NOXRED1: variants seen among roughly 807,000 people sequenced by gnomAD.
NOXRED1 encodes the protein NADP-dependent oxidoreductase domain-containing protein 1.
NOXRED1 carries 20 observed loss-of-function variants against 30.4 expected under a neutral mutation model. The ratio of observed to expected loss-of-function variants is 0.66; its 90% CI spans 0.46 to 0.96. The LOEUF (loss-of-function observed/expected upper bound fraction) is 0.96, where lower values mean the gene tolerates loss of function less well. NOXRED1 is among the 40% of genes least tolerant of loss of function. The probability of loss-of-function intolerance (pLI) is 0.00; values close to 1 mark genes in which losing one functional copy is unlikely to be tolerated. For synonymous variants in NOXRED1, 155 were observed against 168.0 expected (o/e 0.92, Z 0.60); for missense variants, 374 against 428.0 (o/e 0.87, Z 1.11).
At position 77,411,611 on chromosome 14, in the gene NOXRED1, GA is replaced by G. The variant is rs1894654544; in HGVS notation, c.349+2322del. Among the ~76,000 whole-genome samples, 3 of 152,046 alleles carry G rather than the reference GA, an allele frequency of 2.0e-5. No homozygotes were observed. In the South Asian group the frequency reaches 6.2e-4, roughly 32 times the overall value. On this transcript the variant is annotated intron_variant, in intron 2 of 5. Transcript: ENST00000380835. ...AAATGCACACTAATCTATGGTGACA[GA>G]AATCAGATTGTTGGTTTCATGGGTG... is the stretch of plus-strand genomic sequence containing the variant.
chr14:77,394,582 T>G lies in NOXRED1; in HGVS notation c.*49A>C. The G allele has an allele frequency of 6.9e-7, 1 of 1,439,878 alleles. No homozygotes were observed. Among genetic ancestry groups the G allele is most frequent in the Non-Finnish European group, 9.7e-7 (1 of 1,028,932 alleles). The allele number at this position is 1,439,878 out of a possible 1,614,324, so 89.2% of individuals were successfully genotyped here. A position where few individuals can be genotyped will look rare whatever the true frequency, so the allele number is the denominator to read the frequency against. On this transcript the variant is annotated 3_prime_UTR_variant, in exon 6 of 6. Transcript: ENST00000380835. Reference sequence around the variant, plus strand: ...AATTGTGATAATCAGGGCACAACTATTATAGGGAAAATCTGTGAGTGGGAA... The same window carrying G: ...AATTGTGATAATCAGGGCACAACTAGTATAGGGAAAATCTGTGAGTGGGAA...
At chr14:77,401,730 C>G (rs976952813) in intron 5 of NOXRED1, among the ~76,000 whole-genome samples, 4 of 152,248 alleles carry the variant, frequency 2.6e-5, no homozygotes, top group African/African-American at 9.6e-5. Context: ...CTCAGAATAG[C>G]CAACTCAGTA....
intron 5 of NOXRED1, among the ~76,000 whole-genome samples, chr14:77,403,153 G>C (rs963093821): frequency 3.9e-5 from 6 of 152,086 alleles, no homozygotes; most frequent in African/African-American, 1.4e-4. Flanking sequence ...ATGCTTAAAA[G>C]GGAAACTGAT....
chr14:77,419,385 T>C (rs2139701406), intron 1 of NOXRED1, among the ~76,000 whole-genome samples: 1 of 151,760 alleles, frequency 6.6e-6, no homozygotes, highest in Non-Finnish European at 1.5e-5. Flanking sequence ...TCCTTAGTTT[T>C]TGAAGCACAG....
chr14:77,405,288 G>A (rs138125863), intron 5 of NOXRED1, among the ~76,000 whole-genome samples: 20 of 152,262 alleles, frequency 1.3e-4, no homozygotes, highest in Admixed American at 2.6e-4. Context: ...CCAGCTACTC[G>A]GGAGGCTGAG....
Position 77,423,373 on chromosome 14 carries a change from C to T in NOXRED1, c.-484G>A, listed in dbSNP as rs1895053282. On this transcript the variant is annotated 5_prime_UTR_variant, in exon 1 of 6. Coordinates refer to ENST00000380835, the MANE Select transcript of NOXRED1 (RefSeq NM_001113475.3). Reference sequence around the variant, plus strand: ...TGTTCTCCACAGGGTACAAAATAACCCAAACTAAATATCATTGTCCCCTGT... The same window carrying T: ...TGTTCTCCACAGGGTACAAAATAACTCAAACTAAATATCATTGTCCCCTGT... 1 of 154,234 alleles carries T rather than the reference C, an allele frequency of 6.5e-6. No homozygotes were observed. Among genetic ancestry groups the T allele is most frequent in the African/African-American group, 2.4e-5 (1 of 41,432 alleles). 9.6% of individuals were successfully genotyped at this position (154,234 alleles called of 1,614,324 possible). A position where few individuals can be genotyped will look rare whatever the true frequency, so the allele number is the denominator to read the frequency against.
chr14:77,395,605 C>T (rs1458831150), intron 5 of NOXRED1, among the ~76,000 whole-genome samples: 1 of 151,672 alleles, frequency 6.6e-6, no homozygotes, highest in Non-Finnish European at 1.5e-5. Context: ...AGTTTGAGAC[C>T]AGCCTGGACA....
chr14:77,425,961 C>T (rs954578044), upstream of NOXRED1, among the ~76,000 whole-genome samples: 4 of 151,554 alleles, frequency 2.6e-5, no homozygotes, highest in Non-Finnish European at 4.4e-5. Flanking sequence ...TGTGGTGGCA[C>T]GTGCCTGTAG....
At chr14:77,401,717 A>G (rs1215904798) in intron 5 of NOXRED1, among the ~76,000 whole-genome samples, 1 of 152,248 alleles carries the variant, frequency 6.6e-6, no homozygotes, top group Non-Finnish European at 1.5e-5. Flanking sequence ...ACAACAAACA[A>G]GACTCAGAAT....
chr14:77,425,967 T>A (rs1895112437), upstream of NOXRED1, among the ~76,000 whole-genome samples: 1 of 152,218 alleles, frequency 6.6e-6, no homozygotes. Context: ...GGCACGTGCC[T>A]GTAGTCCCAG....
chr14:77,418,140 T>C (rs757954500), intron 1 of NOXRED1, among the ~76,000 whole-genome samples: 2 of 152,084 alleles, frequency 1.3e-5, no homozygotes, highest in Non-Finnish European at 2.9e-5. Context: ...TTTTTTTTAG[T>C]ATTTTTATTT....
intron 2 of NOXRED1, among the ~76,000 whole-genome samples, chr14:77,409,007 A>G (rs1894568267): frequency 6.9e-6 from 1 of 145,230 alleles, no homozygotes; most frequent in Non-Finnish European, 1.5e-5. Flanking sequence ...TGCTGGGATT[A>G]TGGGCATGAG....
chr14:77,396,248 CTTT>C (rs35292349), intron 5 of NOXRED1, among the ~76,000 whole-genome samples: 3 of 131,108 alleles, frequency 2.3e-5, no homozygotes, highest in Non-Finnish European at 3.2e-5. Flanking sequence ...TCCAAGGAAT[CTTT>C]TTTTTTTTTT....
At chr14:77,419,845 T>A (rs1224671594) in intron 1 of NOXRED1, among the ~76,000 whole-genome samples, 1 of 152,212 alleles carries the variant, frequency 6.6e-6, no homozygotes, top group Non-Finnish European at 1.5e-5. Flanking sequence ...CCAATAGTCT[T>A]CTGGGAACTC....
Position 77,413,947 on chromosome 14 carries a change from C to G in NOXRED1, c.336G>C (p.Arg112Ser), listed in dbSNP as rs752166653. Residue 112 changes from arginine (R) to serine (S), a missense_variant, in exon 2 of 6, where the codon AGG becomes AGC. Physicochemically the swap from Arg to Ser is moderately radical, Grantham distance 110 (BLOSUM62 -1). Transcript: ENST00000380835. ...ACTGCTCCTCACCCAGAGTCTCTGG[C>G]CTCCGAGTGGAGATCCGCAGGCTTT... ...PAESLRISTR[R>S]PETLGELQKL... The G allele has an allele frequency of 1.3e-6, 2 of 1,589,822 alleles. No individual in the cohort carries two copies. The highest frequency in any genetic ancestry group is 1.7e-6 in the Non-Finnish European group (2 of 1,163,350).
At chr14:77,418,746 C>G (rs1203037515) in intron 1 of NOXRED1, among the ~76,000 whole-genome samples, 2 of 151,680 alleles carry the variant, frequency 1.3e-5, no homozygotes, top group Non-Finnish European at 2.9e-5. Flanking sequence ...CCAGGCTAGT[C>G]TCAAACACCT....
intron 5 of NOXRED1, among the ~76,000 whole-genome samples, chr14:77,395,295 AC>A (rs1894153311): frequency 6.6e-6 from 1 of 151,596 alleles, no homozygotes; most frequent in South Asian, 2.1e-4. Flanking sequence ...TTTAGTAGAT[AC>A]GGGGTTTCAC....
chr14:77,410,314 A>C (rs765619387), intron 2 of NOXRED1, among the ~76,000 whole-genome samples: 1 of 152,152 alleles, frequency 6.6e-6, no homozygotes, highest in Non-Finnish European at 1.5e-5. Context: ...CAAATCAATA[A>C]GAAAAATAAA....
At position 77,419,534 on chromosome 14, in the gene NOXRED1, C is replaced by T. The variant is rs182605684; in HGVS notation, c.155+3201G>A. ...TGCAATCGTGGCTCACTGCTACCTC[C>T]GCCTCCCGGGTTCACGCCATTCTCC... On this transcript the variant is annotated intron_variant, in intron 1 of 5. Transcript: ENST00000380835. Among the ~76,000 whole-genome samples the T allele has an allele frequency of 2.2e-3, 330 of 149,288 alleles. 2 individuals carry two copies. Among genetic ancestry groups the T allele is most frequent in the South Asian group, 3.2e-3 (15 of 4,700 alleles).
Sources: gnomAD v4.1 joint callset for allele counts (sites outside exome capture counted in the v4.1 genomes callset) on GRCh38, gnomAD v4.1.1 for gene constraint, MANE v1.5 for transcripts, NCBI Gene and HGNC (gene_info 2026-07-23, HGNC 2026-07-21) for gene names.